The following LRP1 variants were observed in gnomAD, a reference collection of about 807,000 sequenced individuals.
The protein encoded by LRP1 is prolow-density lipoprotein receptor-related protein 1.
LRP1 carries 51 observed loss-of-function variants against 541.5 expected under a neutral mutation model. That is an observed-to-expected ratio of 0.09 (90% CI 0.08 to 0.12). The LOEUF is 0.12. LRP1 is among the 10% of genes least tolerant of loss of function. The pLI, the probability that LRP1 is intolerant of heterozygous loss-of-function variation, is 1.00. For synonymous variants in LRP1, 2,219 were observed against 2,470.8 expected, an observed-to-expected ratio of 0.90 and a Z score of 3.02; for missense variants, 3,878 against 6,376.2, an observed-to-expected ratio of 0.61 and a Z score of 13.34.
At chr12:57,144,662 T>A (rs2035362425) in intron 4 of LRP1, 1 of 365,120 alleles carries the variant, frequency 2.7e-6, no homozygotes, top group African/African-American at 2.0e-5. Flanking sequence ...GAATATAAGT[T>A]TCATGAGGAC....
chr12:57,135,045 A>G (rs1045288636), intron 1 of LRP1, among the ~76,000 whole-genome samples: 11 of 152,170 alleles, frequency 7.2e-5, no homozygotes, highest in Non-Finnish European at 1.6e-4. Context: ...ATGACCTATG[A>G]GGAAACCACC....
chr12:57,204,199 T>C lies in LRP1; in HGVS notation c.10952-211T>C. The C allele has an allele frequency of 1.9e-6, 1 of 522,448 alleles. No homozygotes were observed. Among genetic ancestry groups the C allele is most frequent in the Non-Finnish European group, 3.3e-6 (1 of 302,212 alleles). The allele number at this position is 522,448 out of a possible 1,614,324, so 32.4% of individuals were successfully genotyped here. A position where few individuals can be genotyped will look rare whatever the true frequency, so the allele number is the denominator to read the frequency against. ...AGAGAAGGAGTGCCCTCTGAACTCC[T>C]CCAGACACCCCTGAAAAATGGCCTC... is the stretch of plus-strand genomic sequence containing the variant. On this transcript the variant is annotated intron_variant, in intron 70 of 88. Transcript: ENST00000243077. The surrounding 1 kb of genome is among the most constrained non-coding windows in gnomAD (Gnocchi z 5.3).
rs763130592 is a variant in LRP1 at position 57,166,251 on chromosome 12, A to G, written c.2797+42A>G. ...AGATCACACGAGGCACCCCTCAGTC[A>G]AGGAGGCAGGGGAGACGAGGGGGCC... On this transcript the variant is annotated intron_variant, in intron 17 of 88. Transcript: ENST00000243077. The G allele has an allele frequency of 4.3e-4, 672 of 1,558,642 alleles. 1 individual carries two copies. The highest frequency in any genetic ancestry group is 5.4e-4 in the Non-Finnish European group (624 of 1,151,770).
intron 62 of LRP1, 134 bp downstream of exon 62, chr12:57,200,159 G>T: frequency 1.3e-6 from 1 of 752,112 alleles, no homozygotes; most frequent in Non-Finnish European, 2.1e-6. Flanking sequence ...CACATTTCTT[G>T]CCTACCTCTT....
chr12:57,158,340 C>G lies in LRP1; in HGVS notation c.1562-62C>G. 3 of 1,392,278 alleles carry G rather than the reference C, an allele frequency of 2.2e-6. No homozygotes were observed. Among genetic ancestry groups the G allele is most frequent in the Non-Finnish European group, 3.0e-6 (3 of 1,003,260 alleles). 86.2% of individuals were successfully genotyped at this position (1,392,278 alleles called of 1,614,324 possible). On this transcript the variant is annotated intron_variant, in intron 10 of 88. Coordinates refer to ENST00000243077, the MANE Select transcript of LRP1 (RefSeq NM_002332.3). The surrounding 1 kb of genome is among the most constrained non-coding windows in gnomAD (Gnocchi z 5.3). ...GGCATTGCAGCCCCTTGGCCGCAGC[C>G]CCTGGGTGGGGATGATGGTCATGTG... is the stretch of plus-strand genomic sequence containing the variant.
intron 1 of LRP1, among the ~76,000 whole-genome samples, chr12:57,130,552 C>T (rs1198666124): frequency 6.6e-6 from 1 of 151,904 alleles, no homozygotes; most frequent in East Asian, 1.9e-4. Flanking sequence ...TGTTCTCAGC[C>T]CTGTGAGGTG....
chr12:57,179,405 C>T lies in LRP1; in HGVS notation c.4815C>T (p.Tyr1605=). The T allele has an allele frequency of 6.2e-7, 1 of 1,614,228 alleles. No individual in the cohort carries two copies. Among genetic ancestry groups the T allele is most frequent in the Non-Finnish European group, 8.5e-7 (1 of 1,180,036 alleles). Residue 1605 remains tyrosine, a synonymous_variant, in exon 29 of 89, where the codon TAC becomes TAT. Coordinates refer to ENST00000243077, the MANE Select transcript of LRP1 (RefSeq NM_002332.3). This position sits in a 1 kb window ranked among gnomAD's most constrained non-coding sequence, Gnocchi z 6.8. ...GVDLDAPYYN[Y]IISFTVPDID... is the part of the protein sequence containing the mutation. ...ACCTGGATGCTCCCTACTACAACTA[C>T]ATCATCTCCTTCACGGTGCCCGACA...
intron 2 of LRP1, among the ~76,000 whole-genome samples, chr12:57,139,326 C>A (rs1044862667): frequency 6.6e-6 from 1 of 152,124 alleles, no homozygotes; most frequent in African/African-American, 2.4e-5. Flanking sequence ...TGTCCCCACA[C>A]CCCCACCCGT....
At chr12:57,163,188 G>A (rs1172614916) in intron 15 of LRP1, among the ~76,000 whole-genome samples, 1 of 152,198 alleles carries the variant, frequency 6.6e-6, no homozygotes, top group African/African-American at 2.4e-5. Context: ...GGCTGGGAGG[G>A]ACTTGTGAGG....
Position 57,178,292 on chromosome 12 carries a change from A to G in LRP1, c.4362-67A>G, listed in dbSNP as rs2136701928. 2.6e-6 allele frequency: 4 copies of G among 1,558,164 alleles called. No homozygotes were observed. In the East Asian group the frequency reaches 9.0e-5, roughly 35 times the overall value. ...TGTGGCCAGGGCCCAGAGGGTGGGCACCTGGGCAGAGCTCTGAGGGCTGAG... is the reference window on the plus strand; with the variant it reads ...TGTGGCCAGGGCCCAGAGGGTGGGCGCCTGGGCAGAGCTCTGAGGGCTGAG... On this transcript the variant is annotated intron_variant, in intron 26 of 88. Transcript: ENST00000243077. This position sits in a 1 kb window ranked among gnomAD's most constrained non-coding sequence, Gnocchi z 5.8.
At chr12:57,203,043 A>T in intron 68 of LRP1, 138 bp from the exon 69 acceptor site, 1 of 653,160 alleles carries the variant, frequency 1.5e-6, no homozygotes, top group Non-Finnish European at 2.6e-6. Flanking sequence ...CTCTGCCAGG[A>T]CTGGCTCGGC....
In LRP1 at chr12:57,211,905, G is replaced by A. The variant is rs2036926762; in HGVS notation, c.13259-22G>A. The stretch of plus-strand genomic sequence containing the variant: ...TGCTTCCCTGAGCCTTGGTGACTCA[G>A]TGTCCCACCTCTTCCCTCCAGATAT... On this transcript the variant is annotated intron_variant, in intron 86 of 88. Transcript: ENST00000243077. This position sits in a 1 kb window ranked among gnomAD's most constrained non-coding sequence, Gnocchi z 4.3. 6.2e-7 allele frequency: 1 copy of A among 1,613,878 alleles called. No individual in the cohort carries two copies. The highest frequency in any genetic ancestry group is 2.2e-5 in the East Asian group (1 of 44,872).
At position 57,178,645 on chromosome 12, in the gene LRP1, A is replaced by G; in HGVS notation, c.4606+42A>G. On this transcript the variant is annotated intron_variant, in intron 27 of 88. Coordinates refer to ENST00000243077, the MANE Select transcript of LRP1 (RefSeq NM_002332.3). This position sits in a 1 kb window ranked among gnomAD's most constrained non-coding sequence, Gnocchi z 5.8. ...CTCGAGCAGCCGGAAGGGAGCCAGC[A>G]GCCTCTTTAGAAGCTGTAGAAGCTC... The G allele has an allele frequency of 6.2e-7, 1 of 1,612,430 alleles. No homozygotes were observed. Among genetic ancestry groups the G allele is most frequent in the South Asian group, 1.1e-5 (1 of 90,990 alleles).
rs188817741 is a variant in LRP1, at chr12:57,158,238, T to A, written c.1562-164T>A. ...ATTGCGGCCAGGACCCATCGTCCTGTATGTTAGCGTGTGCGTGGTCTGTCC... is the reference window on the plus strand; with the variant it reads ...ATTGCGGCCAGGACCCATCGTCCTGAATGTTAGCGTGTGCGTGGTCTGTCC... On this transcript the variant is annotated intron_variant, in intron 10 of 88. Transcript: ENST00000243077. This position sits in a 1 kb window ranked among gnomAD's most constrained non-coding sequence, Gnocchi z 5.3. 1.3e-5 allele frequency among the ~76,000 whole-genome samples: 2 copies of A among 152,336 alleles called. No homozygotes were observed. Among genetic ancestry groups the A allele is most frequent in the Middle Eastern group, 3.4e-3 (1 of 294 alleles).
Position 57,184,158 on chromosome 12 carries a change from G to A in LRP1, c.6003G>A (p.Val2001=). The change falls in exon 37 of 89, where the codon GTG becomes GTA. Residue 2001 remains valine (V), a synonymous_variant. Transcript: ENST00000243077. This position sits in a 1 kb window ranked among gnomAD's most constrained non-coding sequence, Gnocchi z 7.8. The part of the protein sequence containing the change: ...VARLNGSFRY[V]VISQGLDKPR... ...GGCTCAATGGCTCCTTCCGCTACGT[G>A]GTGATCTCCCAGGGTCTAGACAAGC... 4.3e-6 allele frequency: 7 copies of A among 1,614,124 alleles called. No individual in the cohort carries two copies. Among genetic ancestry groups the A allele is most frequent in the Non-Finnish European group, 5.9e-6 (7 of 1,180,012 alleles).
chr12:57,137,528 A>G (rs1196769615), intron 1 of LRP1, among the ~76,000 whole-genome samples: 1 of 152,134 alleles, frequency 6.6e-6, no homozygotes, highest in African/African-American at 2.4e-5. Flanking sequence ...AGGTCTAACC[A>G]AGGGAGGCTG....
intron 6 of LRP1, among the ~76,000 whole-genome samples, chr12:57,151,277 AGG>A (rs1365838981): frequency 6.6e-6 from 1 of 152,118 alleles, no homozygotes; most frequent in African/African-American, 2.4e-5. Context: ...CCAGGACACC[AGG>A]TCTATTCTGG....
Position 57,154,976 on chromosome 12 carries a change from G to A in LRP1, c.1227+275G>A, listed in dbSNP as rs1050310363. On this transcript the variant is annotated intron_variant, in intron 8 of 88. Coordinates refer to ENST00000243077, the MANE Select transcript of LRP1 (RefSeq NM_002332.3). The surrounding 1 kb of genome is among the most constrained non-coding windows in gnomAD (Gnocchi z 4.6). ...TATAATAACCCCTAGCTGATGAACA[G>A]GGAGGTGGTTCAGTTCCCTTTCAGC... 3.4e-6 allele frequency: 2 copies of A among 592,636 alleles called. No homozygotes were observed. Among genetic ancestry groups the A allele is most frequent in the Admixed American group, 3.0e-5 (1 of 33,550 alleles). The allele number at this position is 592,636 out of a possible 1,614,324, so 36.7% of individuals were successfully genotyped here.
At position 57,197,568 on chromosome 12, in the gene LRP1, G is replaced by A; in HGVS notation, c.9186G>A (p.Leu3062=). Reference sequence around the variant, plus strand: ...AGGGCCTGAACAACGCCGTTGCCTTGGATTTTGACTACCGAGAGCAGATGA... The same window carrying A: ...AGGGCCTGAACAACGCCGTTGCCTTAGATTTTGACTACCGAGAGCAGATGA... ...LKQGLNNAVA[L]DFDYREQMIY... The change falls in exon 58 of 89, where the codon TTG becomes TTA. Residue 3062 remains leucine (L), a synonymous_variant. Coordinates refer to ENST00000243077, the MANE Select transcript of LRP1 (RefSeq NM_002332.3). The surrounding 1 kb of genome is among the most constrained non-coding windows in gnomAD (Gnocchi z 4.5). 1.9e-6 allele frequency: 3 copies of A among 1,613,994 alleles called. No individual in the cohort carries two copies. The highest frequency in any genetic ancestry group is 2.5e-6 in the Non-Finnish European group (3 of 1,180,000).
Sources: gnomAD v4.1 joint callset for allele counts (sites outside exome capture counted in the v4.1 genomes callset) on GRCh38, gnomAD v4.1.1 for gene constraint, Gnocchi (gnomAD v3.1) non-coding constraint, MANE v1.5 for transcripts, NCBI Gene and HGNC (gene_info 2026-07-23, HGNC 2026-07-21) for gene names.